Variants in BACH2 observed in about 807,000 individuals in gnomAD.
The protein encoded by BACH2 is transcription regulator protein BACH2.
BACH2 carries 5 observed loss-of-function variants against 61.8 expected under a neutral mutation model. That is an observed-to-expected ratio of 0.08 (90% CI 0.04 to 0.17). The LOEUF (loss-of-function observed/expected upper bound fraction) is 0.17. BACH2 is among the 10% of genes least tolerant of loss of function. The pLI, the probability that BACH2 is intolerant of heterozygous loss-of-function variation, is 1.00. For missense variants in BACH2, 824 were observed against 1,091.1 expected (o/e 0.76, Z 3.45); for synonymous variants, 446 against 440.1 (o/e 1.01, Z -0.17).
intron 3 of BACH2, among the ~76,000 whole-genome samples, chr6:90,207,275 T>C (rs1174810994): frequency 1.3e-5 from 2 of 152,064 alleles, no homozygotes; most frequent in Non-Finnish European, 2.9e-5. Flanking sequence ...TGCACCACTA[T>C]GTCCAGCTAA....
At chr6:89,959,610 G>GT (rs1774627870) in intron 6 of BACH2, among the ~76,000 whole-genome samples, 1 of 152,184 alleles carries the variant, frequency 6.6e-6, no homozygotes, top group Non-Finnish European at 1.5e-5. Flanking sequence ...CTGTGCGTGT[G>GT]TATCTCTGTA....
chr6:90,025,980 T>C (rs1208601117), intron 5 of BACH2, among the ~76,000 whole-genome samples: 1 of 152,132 alleles, frequency 6.6e-6, no homozygotes, highest in Non-Finnish European at 1.5e-5. Context: ...TAGTGCACAG[T>C]TCAACACAGG....
chr6:90,037,719 GC>G (rs1222651893), intron 5 of BACH2, among the ~76,000 whole-genome samples: 13 of 152,170 alleles, frequency 8.5e-5, no homozygotes, highest in African/African-American at 2.7e-4. Context: ...AAATGTTGAA[GC>G]CCTAACCTCC....
chr6:89,965,516 T>TC (rs1775002236), intron 6 of BACH2, among the ~76,000 whole-genome samples: 1 of 152,320 alleles, frequency 6.6e-6, no homozygotes, highest in East Asian at 1.9e-4. Context: ...TCTCTCTTCC[T>TC]CCCCACTCCA....
intron 3 of BACH2, among the ~76,000 whole-genome samples, chr6:90,230,019 C>T (rs528129996): frequency 3.3e-5 from 5 of 152,234 alleles, no homozygotes; most frequent in Non-Finnish European, 5.9e-5. Flanking sequence ...GGGTCTGGGA[C>T]GCAATCCCCG....
At chr6:90,281,278 C>G (rs541445884) in intron 1 of BACH2, among the ~76,000 whole-genome samples, 9 of 152,308 alleles carry the variant, frequency 5.9e-5, no homozygotes, top group African/African-American at 2.2e-4. Flanking sequence ...TTATTTTTAA[C>G]TAAAATGTAG....
intron 3 of BACH2, among the ~76,000 whole-genome samples, chr6:90,248,607 A>G (rs1770709125): frequency 6.6e-6 from 1 of 152,226 alleles, no homozygotes; most frequent in Admixed American, 6.5e-5. Context: ...AGGATGAACG[A>G]GAGTTAGAAA....
chr6:90,205,634 T>G (rs769390158), intron 4 of BACH2, among the ~76,000 whole-genome samples: 9 of 152,220 alleles, frequency 5.9e-5, no homozygotes, highest in Non-Finnish European at 1.3e-4. Context: ...TGCTGTTCTC[T>G]GAGCACACCA....
At chr6:90,009,472 G>A (rs540893651) in intron 5 of BACH2, among the ~76,000 whole-genome samples, 4 of 152,166 alleles carry the variant, frequency 2.6e-5, no homozygotes, top group Non-Finnish European at 5.9e-5. Flanking sequence ...AAGCACAATT[G>A]CCATAATGCA....
chr6:89,939,589 G>A (rs1014432230), intron 7 of BACH2, among the ~76,000 whole-genome samples: 29 of 151,426 alleles, frequency 1.9e-4, no homozygotes, highest in Non-Finnish European at 7.4e-5. Context: ...TATCTAAAGC[G>A]AGGACAGCAG....
At chr6:90,196,216 G>T (rs1448367984) in intron 4 of BACH2, among the ~76,000 whole-genome samples, 1 of 151,730 alleles carries the variant, frequency 6.6e-6, no homozygotes, top group East Asian at 1.9e-4. Flanking sequence ...AAATGTAAAA[G>T]AAGGTAGCAA....
intron 5 of BACH2, among the ~76,000 whole-genome samples, chr6:90,025,399 T>C (rs140634683): frequency 5.9e-5 from 9 of 152,372 alleles, no homozygotes; most frequent in Non-Finnish European, 1.3e-4. Context: ...CTTTTCTATA[T>C]TGTCACTTCC....
At chr6:90,032,057 C>T (rs1043977779) in intron 5 of BACH2, among the ~76,000 whole-genome samples, 1 of 152,102 alleles carries the variant, frequency 6.6e-6, no homozygotes, top group Non-Finnish European at 1.5e-5. Flanking sequence ...TGCCGCATAT[C>T]TACAACCATC....
chr6:90,267,241 C>T (rs1206648879), intron 2 of BACH2, among the ~76,000 whole-genome samples: 1 of 152,058 alleles, frequency 6.6e-6, no homozygotes, highest in East Asian at 1.9e-4. Context: ...ACACAAAAGA[C>T]CTAATAAAAT....
At chr6:90,043,826 G>C (rs1009042254) in intron 5 of BACH2, among the ~76,000 whole-genome samples, 1 of 152,138 alleles carries the variant, frequency 6.6e-6, no homozygotes, top group African/African-American at 2.4e-5. Flanking sequence ...GGAGATTCAT[G>C]CTGGAGCTTT....
chr6:90,168,121 G>A (rs756076397), intron 4 of BACH2, among the ~76,000 whole-genome samples: 3 of 152,200 alleles, frequency 2.0e-5, no homozygotes, highest in Non-Finnish European at 2.9e-5. Flanking sequence ...TACTTTGGGA[G>A]GCCAAGGTGG....
chr6:90,078,125 T>TTATATATA (rs1781555398), intron 5 of BACH2, among the ~76,000 whole-genome samples: 1 of 152,192 alleles, frequency 6.6e-6, no homozygotes, highest in Non-Finnish European at 1.5e-5. Flanking sequence ...GTAACCAGAA[T>TTATATATA]TATAACAGAT....
chr6:90,166,185 C>T (rs1767609552), intron 4 of BACH2, among the ~76,000 whole-genome samples: 1 of 152,164 alleles, frequency 6.6e-6, no homozygotes, highest in African/African-American at 2.4e-5. Flanking sequence ...TATCCAGAAT[C>T]TACAAAGAAC....
At chr6:89,980,366 A>G (rs1775884504) in intron 6 of BACH2, among the ~76,000 whole-genome samples, 1 of 152,132 alleles carries the variant, frequency 6.6e-6, no homozygotes. Flanking sequence ...AAAACTGAAA[A>G]GCACACCTGG....
Sources: allele counts gnomAD v4.1 joint callset (sites outside exome capture counted in the v4.1 genomes callset), GRCh38; gene constraint gnomAD v4.1.1; transcripts MANE v1.5; gene names NCBI Gene and HGNC (gene_info 2026-07-23, HGNC 2026-07-21).